The following SCHIP1 variants were observed in gnomAD, a reference collection of about 807,000 sequenced individuals.
SCHIP1 encodes the protein schwannomin interacting protein 1.
In SCHIP1, 8 loss-of-function variants were observed where a neutral mutation model predicts 29.7. That is an observed-to-expected ratio of 0.27 (90% confidence interval 0.16 to 0.49). SCHIP1 has a LOEUF of 0.49. SCHIP1 is among the 20% of genes least tolerant of loss of function. The pLI is 0.99. For synonymous variants in SCHIP1, 76 were observed against 94.9 expected (o/e 0.80, Z 1.16); for missense variants, 193 against 294.6 (o/e 0.66, Z 2.52).
the SCHIP1 span, among the ~76,000 whole-genome samples, chr3:159,460,903 C>A: frequency 7.9e-5 from 12 of 152,236 alleles, no homozygotes; most frequent in African/African-American, 2.9e-4. Context: ...GTTCCTTTGC[C>A]ATATTGCAAA....
chr3:159,713,815 G>A, the SCHIP1 span, among the ~76,000 whole-genome samples: 8 of 152,210 alleles, frequency 5.3e-5, no homozygotes, highest in African/African-American at 1.9e-4. Flanking sequence ...ATTCAGCTGG[G>A]AACAAAGGGA....
the SCHIP1 span, among the ~76,000 whole-genome samples, chr3:159,509,149 C>A: frequency 6.6e-6 from 1 of 152,174 alleles, no homozygotes; most frequent in Non-Finnish European, 1.5e-5. Context: ...AACCTTGGTG[C>A]TCCTGTATTG....
the SCHIP1 span, among the ~76,000 whole-genome samples, chr3:159,600,991 G>A: frequency 6.6e-6 from 1 of 152,210 alleles, no homozygotes; most frequent in Non-Finnish European, 1.5e-5. Context: ...TATTAGTGAT[G>A]AAGTTGTGCT....
At chr3:159,432,115 A>T in the SCHIP1 span, among the ~76,000 whole-genome samples, 11 of 152,038 alleles carry the variant, frequency 7.2e-5, no homozygotes, top group Non-Finnish European at 1.6e-4. Flanking sequence ...TAAGACGTTG[A>T]CTGGAGCTAA....
chr3:159,336,724 C>T, the SCHIP1 span, among the ~76,000 whole-genome samples: 3 of 152,186 alleles, frequency 2.0e-5, no homozygotes, highest in South Asian at 2.1e-4. Context: ...GGTACAGTAC[C>T]GTGCTGTTTT....
the SCHIP1 span, chr3:159,306,765 T>G: frequency 6.5e-6 from 1 of 154,668 alleles, no homozygotes; most frequent in Admixed American, 6.5e-5. Context: ...AGTCTGATCT[T>G]CTGATGATTC....
the SCHIP1 span, among the ~76,000 whole-genome samples, chr3:159,488,211 G>A: frequency 2.0e-5 from 3 of 152,074 alleles, no homozygotes; most frequent in Non-Finnish European, 4.4e-5. Flanking sequence ...GGGCAGGAGT[G>A]GGGATGGTTA....
the SCHIP1 span, among the ~76,000 whole-genome samples, chr3:159,358,920 C>CTT: frequency 3.9e-3 from 381 of 96,556 alleles, 17 homozygotes; most frequent in Middle Eastern, 5.0e-3. Flanking sequence ...TATTAGCATC[C>CTT]TTTTTTTTTT....
At chr3:159,631,397 C>T in the SCHIP1 span, among the ~76,000 whole-genome samples, 1 of 152,226 alleles carries the variant, frequency 6.6e-6, no homozygotes, top group South Asian at 2.1e-4. Context: ...GACCAATGTT[C>T]ATAGTGGCAT....
the SCHIP1 span, among the ~76,000 whole-genome samples, chr3:159,705,770 G>A: frequency 1.3e-5 from 2 of 152,056 alleles, no homozygotes; most frequent in South Asian, 2.1e-4. Context: ...GCAGTGGCGC[G>A]ATCTCGGCTC....
At chr3:159,299,696 G>A in the SCHIP1 span, among the ~76,000 whole-genome samples, 9 of 151,950 alleles carry the variant, frequency 5.9e-5, no homozygotes, top group East Asian at 1.9e-4. Flanking sequence ...GGTGTGGAGC[G>A]AGCATCCTCA....
chr3:159,566,960 T>C, the SCHIP1 span, among the ~76,000 whole-genome samples: 1 of 152,250 alleles, frequency 6.6e-6, no homozygotes, highest in Non-Finnish European at 1.5e-5. Context: ...TTTGAATTCC[T>C]GTTGTTTCAC....
chr3:159,547,733 T>G, the SCHIP1 span, among the ~76,000 whole-genome samples: 1 of 152,188 alleles, frequency 6.6e-6, no homozygotes, highest in African/African-American at 2.4e-5. Flanking sequence ...TGTGTGGTGT[T>G]ATTTCTGAGG....
At chr3:159,317,480 C>A in the SCHIP1 span, among the ~76,000 whole-genome samples, 2 of 152,148 alleles carry the variant, frequency 1.3e-5, no homozygotes, top group African/African-American at 4.8e-5. Context: ...CCATTGATTC[C>A]CGGACCCGTG....
chr3:159,771,934 C>T, the SCHIP1 span, among the ~76,000 whole-genome samples: 1 of 152,108 alleles, frequency 6.6e-6, no homozygotes, highest in Admixed American at 6.5e-5. Flanking sequence ...TTTCAGGATG[C>T]ACATCTAAAA....
At chr3:159,416,042 T>A in the SCHIP1 span, among the ~76,000 whole-genome samples, 7 of 152,074 alleles carry the variant, frequency 4.6e-5, no homozygotes, top group Non-Finnish European at 8.8e-5. Context: ...ACAGTCAAAC[T>A]GATGGCCTCC....
the SCHIP1 span, among the ~76,000 whole-genome samples, chr3:159,428,022 T>C: frequency 6.6e-6 from 1 of 152,196 alleles, no homozygotes; most frequent in African/African-American, 2.4e-5. Flanking sequence ...ATCCCTTCCT[T>C]ACATCTTATT....
the SCHIP1 span, among the ~76,000 whole-genome samples, chr3:159,823,662 C>A: frequency 6.6e-6 from 1 of 152,154 alleles, no homozygotes; most frequent in Non-Finnish European, 1.5e-5. Flanking sequence ...GTCGAAGATG[C>A]CTTTTCCTTC....
the SCHIP1 span, among the ~76,000 whole-genome samples, chr3:159,428,778 A>G: frequency 6.6e-5 from 10 of 152,064 alleles, no homozygotes; most frequent in Admixed American, 3.9e-4. Flanking sequence ...TCACAATAGC[A>G]AAGACTTGGA....
Sources: gnomAD v4.1 joint callset for allele counts (sites outside exome capture counted in the v4.1 genomes callset) on GRCh38, gnomAD v4.1.1 for gene constraint, MANE v1.5 for transcripts, NCBI Gene and HGNC (gene_info 2026-07-23, HGNC 2026-07-21) for gene names.